Variants in ZDHHC1 observed in about 807,000 individuals in gnomAD.
ZDHHC1 encodes the protein palmitoyltransferase ZDHHC1.
A neutral mutation model predicts 46.9 loss-of-function variants in ZDHHC1; 45 were observed. That is an observed-to-expected ratio of 0.96 (90% CI 0.76 to 1.23). The LOEUF (loss-of-function observed/expected upper bound fraction) is 1.23. Among genes scored for constraint, ZDHHC1 ranks in the 50% most tolerant of loss-of-function variants. ZDHHC1 has a pLI of 0.00. For synonymous variants in ZDHHC1, 291 were observed against 286.0 expected (o/e 1.02, Z -0.18); for missense variants, 649 against 670.8 (o/e 0.97, Z 0.36).
chr16:67,399,097 A>G (rs888528990), intron 5 of ZDHHC1, among the ~76,000 whole-genome samples, 153 bp from the exon 6 acceptor site: 2 of 151,948 alleles, frequency 1.3e-5, no homozygotes, highest in African/African-American at 4.8e-5. Context: ...ATACGGCAAA[A>G]CTGAAGATGG....
chr16:67,413,290 C>T (rs2040780120), intron 1 of ZDHHC1, among the ~76,000 whole-genome samples: 1 of 152,212 alleles, frequency 6.6e-6, no homozygotes, highest in Non-Finnish European at 1.5e-5. Context: ...CTTTCCGTTT[C>T]CCCCAGGATC....
At chr16:67,415,249 G>A (rs2040814831) in intron 1 of ZDHHC1, among the ~76,000 whole-genome samples, 1 of 152,146 alleles carries the variant, frequency 6.6e-6, no homozygotes, top group African/African-American at 2.4e-5. Flanking sequence ...CTTGAGACCA[G>A]GAGCTCGAGA....
chr16:67,401,121 G>A lies in ZDHHC1; in HGVS notation c.264C>T (p.Ala88=). 1 of 1,613,874 alleles carries A rather than the reference G, an allele frequency of 6.2e-7. No homozygotes were observed. The highest frequency in any genetic ancestry group is 8.5e-7 in the Non-Finnish European group (1 of 1,179,992). Reference sequence around the variant, plus strand: ...GCACCACAAGGTGGCCAGCAAAGATGGCGCCCATGCACTGGCCCAGCAGGT... The same window carrying A: ...GCACCACAAGGTGGCCAGCAAAGATAGCGCCCATGCACTGGCCCAGCAGGT... The part of the protein sequence containing the change: ...WVPAGYACMG[A]IFAGHLVVHL... The change falls in exon 4 of 12, where the codon GCC becomes GCT. Residue 88 remains alanine, a synonymous_variant. Transcript: ENST00000565726. The surrounding 1 kb of genome is among the most constrained non-coding windows in gnomAD (Gnocchi z 4.6).
chr16:67,400,556 C>T (rs569467768), intron 4 of ZDHHC1, among the ~76,000 whole-genome samples: 13 of 152,340 alleles, frequency 8.5e-5, no homozygotes, highest in Admixed American at 2.6e-4. Context: ...TTTCTAAGCG[C>T]TGGGCTCTTC....
rs1172434927 is a variant in ZDHHC1 at position 67,394,702 on chromosome 16, G to C, written c.1357C>G (p.Leu453Val). 15 of 1,327,952 alleles carry C rather than the reference G, an allele frequency of 1.1e-5. No homozygotes were observed. In the South Asian group the frequency reaches 2.8e-4, roughly 25 times the overall value. 82.3% of individuals were successfully genotyped at this position (1,327,952 alleles called of 1,614,324 possible). A position where few individuals can be genotyped will look rare whatever the true frequency, so the allele number is the denominator to read the frequency against. The part of the protein sequence containing the change: ...APRGRGRQPT[L>V]ARQARAPAVF... ...GCGGGCGCACGCGCCTGCCGCGCCA[G>C]CGTGGGCTGTCGGCCCCGGCCCCGC... Residue 453 changes from leucine (L) to valine (V), a missense_variant, in exon 12 of 12, where the codon CTG becomes GTG. Leu to Val is a conservative substitution (Grantham distance 32). Coordinates refer to ENST00000565726, the MANE Select transcript of ZDHHC1 (RefSeq NM_001323627.2).
chr16:67,414,438 G>A (rs916274371), intron 1 of ZDHHC1, among the ~76,000 whole-genome samples: 1 of 152,166 alleles, frequency 6.6e-6, no homozygotes, highest in African/African-American at 2.4e-5. Context: ...AGTAAAGGAA[G>A]TCAAGCCACT....
chr16:67,395,531 CAT>C lies in ZDHHC1; in HGVS notation c.961_962del (p.Met321AlafsTer56), dbSNP rs1247802981. ...CGGCCTGGCCAGGGGGCTCTGGGCG[CAT>C]ATGTCTGAAGGTCCGCATGTAGAAC... The part of the protein sequence containing the change: ...MEFYMRTFRH[M>X]RPEPPGQAGP... On this transcript the variant is annotated frameshift_variant, in exon 9 of 12. Transcript: ENST00000565726. LOFTEE classifies it high-confidence loss of function. 3 of 1,555,082 alleles carry C rather than the reference CAT, an allele frequency of 1.9e-6. No individual in the cohort carries two copies. The highest frequency in any genetic ancestry group is 2.6e-6 in the Non-Finnish European group (3 of 1,148,760).
chr16:67,414,742 G>A lies in ZDHHC1; in HGVS notation c.-39+1429C>T, dbSNP rs557818089. ...CATCATGAGGACACTGAGGCTCAGA[G>A]ACACTAAATGAGTTATTTTAGGAGG... On this transcript the variant is annotated intron_variant, in intron 1 of 11. Coordinates refer to ENST00000565726, the MANE Select transcript of ZDHHC1 (RefSeq NM_001323627.2). Among the ~76,000 whole-genome samples the A allele has an allele frequency of 4.6e-5, 7 of 152,348 alleles. No homozygotes were observed. The East Asian group carries it at 1.2e-3, about 25-fold the overall frequency.
In ZDHHC1 at chr16:67,394,879, TG is replaced by T; in HGVS notation, c.1179del (p.Ser394AlafsTer71). On this transcript the variant is annotated frameshift_variant, in exon 12 of 12. Coordinates refer to ENST00000565726, the MANE Select transcript of ZDHHC1 (RefSeq NM_001323627.2). LOFTEE classifies it low-confidence loss of function (END_TRUNC). ...TSDPASGPRA[P>X]SRRSSSSTDS... Reference sequence around the variant, plus strand: ...TCCGTCGACGAGCTGGAGCGGCGGCTGGGGGCCCTAGGCCCTGCGCAAGGGA... The same window carrying T: ...TCCGTCGACGAGCTGGAGCGGCGGCTGGGGCCCTAGGCCCTGCGCAAGGGA... 5 of 1,563,038 alleles carry T rather than the reference TG, an allele frequency of 3.2e-6. No individual in the cohort carries two copies. Among genetic ancestry groups the T allele is most frequent in the South Asian group, 1.2e-5 (1 of 85,810 alleles).
rs776791471 is a variant in ZDHHC1, at chr16:67,398,332, G to T, written c.815-8C>A. On this transcript the variant is annotated splice_polypyrimidine_tract_variant and splice_region_variant and intron_variant, in intron 7 of 11. Transcript: ENST00000565726. The stretch of plus-strand genomic sequence containing the variant: ...TGGTGAGCTTGTGCCACACTGGTGG[G>T]GGGAGGAGAGGGCTCAGTGCGGTGG... 2.5e-6 allele frequency: 4 copies of T among 1,611,224 alleles called. No homozygotes were observed. In the South Asian group the frequency reaches 4.4e-5, roughly 18 times the overall value.
chr16:67,400,405 G>A (rs1268738924), intron 4 of ZDHHC1, among the ~76,000 whole-genome samples: 1 of 152,202 alleles, frequency 6.6e-6, no homozygotes, highest in African/African-American at 2.4e-5. Flanking sequence ...GTTAGCAGAG[G>A]GACCTGAGCA....
chr16:67,411,846 C>T (rs1198966616), intron 1 of ZDHHC1, among the ~76,000 whole-genome samples: 2 of 152,210 alleles, frequency 1.3e-5, no homozygotes, highest in African/African-American at 4.8e-5. Context: ...GGCGCGGTGG[C>T]TCACGCCTGT....
At chr16:67,411,712 A>C (rs2040750106) in intron 1 of ZDHHC1, among the ~76,000 whole-genome samples, 1 of 152,256 alleles carries the variant, frequency 6.6e-6, no homozygotes, top group Non-Finnish European at 1.5e-5. Flanking sequence ...GGCAGCATCA[A>C]AAGCAAGGGA....
At chr16:67,411,987 C>A (rs1270974315) in intron 1 of ZDHHC1, among the ~76,000 whole-genome samples, 1 of 152,038 alleles carries the variant, frequency 6.6e-6, no homozygotes, top group African/African-American at 2.4e-5. Flanking sequence ...GTGGTGCGGG[C>A]CTGTAGACCC....
chr16:67,414,692 A>G (rs1319570940), intron 1 of ZDHHC1, among the ~76,000 whole-genome samples: 3 of 152,202 alleles, frequency 2.0e-5, no homozygotes, highest in East Asian at 3.8e-4. Flanking sequence ...ACTTCCTCAT[A>G]AAAAACATAC....
rs1366914576 is a variant in ZDHHC1, at chr16:67,415,163, T to TA, written c.-39+1007dup. Among the ~76,000 whole-genome samples the TA allele has an allele frequency of 5.3e-5, 8 of 151,034 alleles. No individual in the cohort carries two copies. In the East Asian group the frequency reaches 1.4e-3, roughly 26 times the overall value. On this transcript the variant is annotated intron_variant, in intron 1 of 11. Coordinates refer to ENST00000565726, the MANE Select transcript of ZDHHC1 (RefSeq NM_001323627.2). ...AATAAAAATAAAAATAAACAAAAAA[T>TA]AAAAAACTCTTCTGCCGCTTGCAGT...
At chr16:67,402,146 T>A (rs899150822) in intron 3 of ZDHHC1, among the ~76,000 whole-genome samples, 12 of 152,246 alleles carry the variant, frequency 7.9e-5, no homozygotes, top group Non-Finnish European at 1.5e-4. Flanking sequence ...GACAATCCTG[T>A]GGCCATCACT....
chr16:67,396,890 G>A (rs1008632316), intron 8 of ZDHHC1, among the ~76,000 whole-genome samples: 2 of 152,232 alleles, frequency 1.3e-5, no homozygotes, highest in African/African-American at 4.8e-5. Context: ...CTCAGAAGCT[G>A]AGGGGCCTGG....
chr16:67,411,536 G>C (rs150998538), intron 1 of ZDHHC1, among the ~76,000 whole-genome samples: 3 of 152,294 alleles, frequency 2.0e-5, no homozygotes, highest in Non-Finnish European at 4.4e-5. Flanking sequence ...CAATATCCAA[G>C]TCTGGCGAAA....
Sources: allele counts gnomAD v4.1 joint callset (sites outside exome capture counted in the v4.1 genomes callset), GRCh38; gene constraint gnomAD v4.1.1; non-coding constraint Gnocchi (gnomAD v3.1); transcripts MANE v1.5; gene names NCBI Gene and HGNC (gene_info 2026-07-23, HGNC 2026-07-21).